KIAA2012: variants seen among roughly 807,000 people sequenced by gnomAD.
KIAA2012 encodes uncharacterized protein KIAA2012.
In KIAA2012, 125 loss-of-function variants were observed where a neutral mutation model predicts 150.6. The observed-to-expected ratio is 0.83, with a 90% confidence interval of 0.72 to 0.96. The LOEUF (loss-of-function observed/expected upper bound fraction) is 0.96. Ranked by LOEUF, KIAA2012 falls within the 40% of genes least tolerant of loss-of-function variation. KIAA2012 has a pLI of 0.00. For synonymous variants in KIAA2012, 462 were observed against 504.7 expected (o/e 0.92, Z 1.13); for missense variants, 1,219 against 1,354.9 (o/e 0.90, Z 1.57).
Position 202,131,612 on chromosome 2 carries a change from G to A in KIAA2012, c.1831+6330G>A, listed in dbSNP as rs146456495. 8.5e-5 allele frequency among the ~76,000 whole-genome samples: 13 copies of A among 152,332 alleles called. No homozygotes were observed. The East Asian group carries it at 2.3e-3, about 27-fold the overall frequency. On this transcript the variant is annotated intron_variant, in intron 12 of 23. Transcript: ENST00000498697. ...GTGGAATGTGTTGAGAGCTATGAAC[G>A]AGTTCAGACTGACTCAGCCTGGAGG...
chr2:202,119,865 C>T (rs964559169), intron 11 of KIAA2012, among the ~76,000 whole-genome samples: 5 of 152,198 alleles, frequency 3.3e-5, no homozygotes. Flanking sequence ...AATTGTAACT[C>T]CCACAATTCC....
At chr2:202,097,274 G>A (rs1391386716) in intron 4 of KIAA2012, among the ~76,000 whole-genome samples, 161 bp from the exon 5 acceptor site, 3 of 152,198 alleles carry the variant, frequency 2.0e-5, no homozygotes, top group Non-Finnish European at 2.9e-5. Context: ...TGCCACTTCC[G>A]AGGAGGCACT....
At chr2:202,120,262 C>T (rs1320917649) in intron 11 of KIAA2012, among the ~76,000 whole-genome samples, 1 of 152,142 alleles carries the variant, frequency 6.6e-6, no homozygotes, top group East Asian at 1.9e-4. Context: ...TGTGGTCCCA[C>T]CTACTCCAGG....
At position 202,093,190 on chromosome 2, in the gene KIAA2012, G is replaced by C; in HGVS notation, c.685+5G>C. 3 of 1,550,614 alleles carry C rather than the reference G, an allele frequency of 1.9e-6. No homozygotes were observed. The South Asian group carries it at 3.6e-5, about 18-fold the overall frequency. ...AAGGAAAATCTTTTGAACAACGTAC[G>C]TGTTGATTTACATGTTGATTTTATG... On this transcript the variant is annotated splice_donor_5th_base_variant and intron_variant, in intron 4 of 23. Coordinates refer to ENST00000498697, the MANE Select transcript of KIAA2012 (RefSeq NM_001277372.4).
chr2:202,091,052 A>C, intron 3 of KIAA2012, 123 bp downstream of exon 3: 1 of 1,293,858 alleles, frequency 7.7e-7, no homozygotes, highest in Non-Finnish European at 1.0e-6. Context: ...GTGTTAAAGC[A>C]AAGTCCCCAC....
intron 13 of KIAA2012, among the ~76,000 whole-genome samples, chr2:202,151,204 C>G (rs968252123): frequency 1.3e-5 from 2 of 152,064 alleles, no homozygotes; most frequent in Admixed American, 6.5e-5. Context: ...CGAGACCAGC[C>G]TGGCCAACAT....
At chr2:202,155,273 C>T (rs893351796) in intron 14 of KIAA2012, among the ~76,000 whole-genome samples, 5 of 152,112 alleles carry the variant, frequency 3.3e-5, no homozygotes, top group African/African-American at 9.7e-5. Context: ...TCTAAGAGTT[C>T]ATTGATCTCA....
intron 11 of KIAA2012, among the ~76,000 whole-genome samples, chr2:202,119,166 G>A (rs1690598769): frequency 1.3e-5 from 2 of 152,120 alleles, no homozygotes; most frequent in African/African-American, 4.8e-5. Flanking sequence ...CAGCTACTCG[G>A]GAGGCTGAGG....
intron 15 of KIAA2012, among the ~76,000 whole-genome samples, chr2:202,172,872 C>T (rs572603275): frequency 3.9e-5 from 6 of 152,246 alleles, no homozygotes; most frequent in Non-Finnish European, 7.3e-5. Context: ...CCACATTGCC[C>T]AGTATGATGC....
intron 11 of KIAA2012, chr2:202,114,892 T>TTGAA (rs57682061): frequency 0.3 from 50,224 of 166,094 alleles, 9,171 homozygotes; most frequent in Non-Finnish European, 0.39. Flanking sequence ...TGCATGCTTA[T>TTGAA]TGAATGAATG....
At chr2:202,196,770 G>A in intron 21 of KIAA2012, 30 bp from the exon 22 acceptor site, 1 of 1,546,512 alleles carries the variant, frequency 6.5e-7, no homozygotes, top group Non-Finnish European at 8.7e-7. Flanking sequence ...AATGATCCCT[G>A]CTGAGCCCAC....
intron 13 of KIAA2012, among the ~76,000 whole-genome samples, chr2:202,148,674 G>T (rs1049851376): frequency 2.0e-5 from 3 of 152,188 alleles, no homozygotes; most frequent in Admixed American, 2.0e-4. Flanking sequence ...AGGCTATGCG[G>T]CCAGGCTGGG....
intron 12 of KIAA2012, among the ~76,000 whole-genome samples, chr2:202,126,635 G>A (rs1185203177): frequency 1.3e-5 from 2 of 150,850 alleles, no homozygotes; most frequent in Admixed American, 1.3e-4. Flanking sequence ...GGTGGTGGTG[G>A]TGGTGGTGGT....
chr2:202,177,549 A>C (rs1301000079), intron 15 of KIAA2012, among the ~76,000 whole-genome samples: 1 of 152,142 alleles, frequency 6.6e-6, no homozygotes, highest in African/African-American at 2.4e-5. Flanking sequence ...ACTCATTCCC[A>C]CAAGCCCTTT....
chr2:202,138,419 AT>A lies in KIAA2012; in HGVS notation c.1832-9del. 1 of 1,549,550 alleles carries A rather than the reference AT, an allele frequency of 6.5e-7. No individual in the cohort carries two copies. ...CCACCTTGATCTTTTTTCCTCTTTG[AT>A]TTTCACTACAGCAAACACTGAACCT... On this transcript the variant is annotated splice_polypyrimidine_tract_variant and intron_variant, in intron 12 of 23. Coordinates refer to ENST00000498697, the MANE Select transcript of KIAA2012 (RefSeq NM_001277372.4).
At chr2:202,202,083 C>G (rs549648672) in intron 22 of KIAA2012, among the ~76,000 whole-genome samples, 1 of 152,240 alleles carries the variant, frequency 6.6e-6, no homozygotes, top group African/African-American at 2.4e-5. Context: ...ATCTCAAACA[C>G]CTGGCCTATC....
intron 15 of KIAA2012, among the ~76,000 whole-genome samples, chr2:202,180,254 A>ATT (rs1245069938): frequency 6.7e-6 from 1 of 149,488 alleles, no homozygotes; most frequent in Non-Finnish European, 1.5e-5. Flanking sequence ...CTAGGCCAAA[A>ATT]GAGTGAAACT....
intron 15 of KIAA2012, among the ~76,000 whole-genome samples, chr2:202,180,132 A>T (rs549192428): frequency 3.7e-4 from 57 of 152,100 alleles, no homozygotes; most frequent in Non-Finnish European, 7.6e-4. Context: ...TTAGCCGGGC[A>T]TGGTGGTGCA....
In KIAA2012 at chr2:202,188,230, G is replaced by C; in HGVS notation, c.2455G>C (p.Glu819Gln). Residue 819 changes from glutamate (E) to glutamine (Q), a missense_variant, in exon 18 of 24, where the codon GAA becomes CAA. Physicochemically the swap from Glu to Gln is conservative, Grantham distance 29. Coordinates refer to ENST00000498697, the MANE Select transcript of KIAA2012 (RefSeq NM_001277372.4). ...DKTKGPKSER[E>Q]GKVYGQAEAA... ...AACCAAAGGACCCAAAAGCGAGAGA[G>C]AAGGAAAGGTCTACGGGCAAGCAGA... is the stretch of plus-strand genomic sequence containing the variant. The C allele has an allele frequency of 6.4e-7, 1 of 1,550,498 alleles. No homozygotes were observed. The highest frequency in any genetic ancestry group is 1.2e-5 in the South Asian group (1 of 84,042).
Sources: gnomAD v4.1 joint callset for allele counts (sites outside exome capture counted in the v4.1 genomes callset) on GRCh38, gnomAD v4.1.1 for gene constraint, MANE v1.5 for transcripts, NCBI Gene and HGNC (gene_info 2026-07-23, HGNC 2026-07-21) for gene names.